Variants in DOCK8 observed in about 807,000 individuals in gnomAD.
DOCK8 encodes dedicator of cytokinesis protein 8.
A neutral mutation model predicts 245.6 loss-of-function variants in DOCK8; 141 were observed. The ratio of observed to expected loss-of-function variants is 0.57; its 90% confidence interval spans 0.50 to 0.66. The LOEUF is 0.66. Among genes scored for constraint, DOCK8 ranks in the 30% least tolerant of loss-of-function variants. DOCK8 has a pLI of 0.00. For synonymous variants in DOCK8, 1,168 were observed against 970.2 expected, an observed-to-expected ratio of 1.20 and a Z score of -3.79; for missense variants, 2,965 against 2,603.4, an observed-to-expected ratio of 1.14 and a Z score of -3.02.
chr9:406,898 G>C, intron 27 of DOCK8, 32 bp from the exon 28 acceptor site: 1 of 1,613,896 alleles, frequency 6.2e-7, no homozygotes, highest in Admixed American at 1.7e-5. Flanking sequence ...CAGTTCTTGT[G>C]GCTCATAAAA....
chr9:295,068 G>T (rs2049199338), intron 4 of DOCK8, among the ~76,000 whole-genome samples: 1 of 152,114 alleles, frequency 6.6e-6, no homozygotes, highest in Non-Finnish European at 1.5e-5. Context: ...GCTGAGGCAG[G>T]AGAATCGCTT....
chr9:275,998 C>T (rs1415705543), intron 2 of DOCK8, among the ~76,000 whole-genome samples: 1 of 152,030 alleles, frequency 6.6e-6, no homozygotes, highest in African/African-American at 2.4e-5. Flanking sequence ...TCAAGTGATT[C>T]TCCTGACTTA....
At chr9:270,196 CT>C (rs2048126499) in intron 1 of DOCK8, among the ~76,000 whole-genome samples, 1 of 152,162 alleles carries the variant, frequency 6.6e-6, no homozygotes, top group South Asian at 2.1e-4. Context: ...AAAGAAAACG[CT>C]GTAGAAAATT....
intron 2 of DOCK8, chr9:277,010 T>C (rs1261665475): frequency 6.0e-6 from 2 of 331,748 alleles, no homozygotes; most frequent in Non-Finnish European, 6.4e-6. Flanking sequence ...AGTTTCTCCA[T>C]GTTGTCCAGG....
intron 43 of DOCK8, among the ~76,000 whole-genome samples, chr9:444,017 G>T (rs1470818918): frequency 6.6e-6 from 1 of 152,042 alleles, no homozygotes; most frequent in South Asian, 2.1e-4. Flanking sequence ...CCTTCTTTAG[G>T]CTGCAAGTAT....
intron 5 of DOCK8, 91 bp from the exon 6 acceptor site, chr9:311,863 A>T: frequency 6.6e-7 from 1 of 1,515,006 alleles, no homozygotes; most frequent in Non-Finnish European, 9.1e-7. Flanking sequence ...TGTAGTCCCA[A>T]ATTGGAGCAG....
At chr9:351,815 C>G (rs1316288091) in intron 14 of DOCK8, among the ~76,000 whole-genome samples, 2 of 152,240 alleles carry the variant, frequency 1.3e-5, no homozygotes, top group East Asian at 1.9e-4. Context: ...AGACAGCTCT[C>G]TAGCAATAGC....
At chr9:232,911 A>T (rs1206670989) in intron 1 of DOCK8, among the ~76,000 whole-genome samples, 1 of 151,838 alleles carries the variant, frequency 6.6e-6, no homozygotes, top group South Asian at 2.1e-4. Flanking sequence ...TTCTGCTCTG[A>T]TCTTAGTTAT....
At chr9:463,910 G>T (rs571437034) in intron 47 of DOCK8, among the ~76,000 whole-genome samples, 37 of 152,312 alleles carry the variant, frequency 2.4e-4, no homozygotes, top group African/African-American at 8.4e-4. Context: ...TTGGTCTTGT[G>T]CCAGGGTATT....
intron 14 of DOCK8, among the ~76,000 whole-genome samples, chr9:351,866 GT>G (rs545988823): frequency 6.6e-6 from 1 of 152,194 alleles, no homozygotes; most frequent in African/African-American, 2.4e-5. Context: ...TGTATCCAGT[GT>G]TTGCAACTCC....
intron 26 of DOCK8, 82 bp downstream of exon 26, chr9:399,341 C>T (rs118083689): frequency 6.6e-5 from 67 of 1,018,172 alleles, no homozygotes; most frequent in Admixed American, 9.0e-5. Flanking sequence ...CCATGGCACG[C>T]TGTCTTCTTC....
chr9:390,759 G>A (rs975343834), intron 24 of DOCK8, among the ~76,000 whole-genome samples, 193 bp downstream of exon 24: 8 of 151,876 alleles, frequency 5.3e-5, no homozygotes, highest in Non-Finnish European at 4.4e-5. Flanking sequence ...ATCTATCGCC[G>A]TCCTGTGAGT....
At chr9:414,146 G>T (rs1402798393) in intron 28 of DOCK8, among the ~76,000 whole-genome samples, 1 of 137,918 alleles carries the variant, frequency 7.3e-6, no homozygotes, top group African/African-American at 2.7e-5. Context: ...AAAAAAAAAA[G>T]TTAAACAGAC....
chr9:426,777 A>C, intron 33 of DOCK8, 108 bp from the exon 34 acceptor site: 1 of 859,956 alleles, frequency 1.2e-6, no homozygotes, highest in South Asian at 1.4e-5. Flanking sequence ...TTTCATTTCA[A>C]GGTTGACTAT....
intron 46 of DOCK8, among the ~76,000 whole-genome samples, chr9:461,376 T>C (rs535838417): frequency 6.7e-4 from 102 of 152,262 alleles, no homozygotes; most frequent in South Asian, 6.2e-3. Flanking sequence ...TATATCTCTA[T>C]GTTTCTTAAC....
chr9:440,765 G>A lies in DOCK8; in HGVS notation c.5224-521G>A, dbSNP rs143711521. On this transcript the variant is annotated intron_variant, in intron 40 of 47. Transcript: ENST00000432829. ...TTTTTGTTTTTGTTTTTGAGGCAGCGTCTTGCCTTGTCACCCAGGCTGGAG... is the reference window on the plus strand; with the variant it reads ...TTTTTGTTTTTGTTTTTGAGGCAGCATCTTGCCTTGTCACCCAGGCTGGAG... Among the ~76,000 whole-genome samples the A allele has an allele frequency of 4.5e-3, 681 of 152,226 alleles. 8 individuals carry two copies. Among genetic ancestry groups the A allele is most frequent in the Non-Finnish European group, 4.7e-3 (320 of 68,028 alleles).
intron 47 of DOCK8, 64 bp downstream of exon 47, chr9:463,751 C>T (rs1197924356): frequency 9.4e-6 from 15 of 1,589,956 alleles, no homozygotes; most frequent in Non-Finnish European, 1.3e-5. Context: ...GGCCTAGCAC[C>T]TTGGGGCATG....
intron 24 of DOCK8, among the ~76,000 whole-genome samples, chr9:396,453 T>C (rs952837451): frequency 3.3e-5 from 5 of 152,328 alleles, no homozygotes; most frequent in Non-Finnish European, 7.4e-5. Flanking sequence ...ACCTAGCTGG[T>C]TACAGGAGCC....
At chr9:377,445 T>C (rs2053566094) in intron 20 of DOCK8, among the ~76,000 whole-genome samples, 1 of 152,220 alleles carries the variant, frequency 6.6e-6, no homozygotes, top group South Asian at 2.1e-4. Flanking sequence ...TTGTAAACTT[T>C]ATTAAATGAT....
Sources: allele counts gnomAD v4.1 joint callset (sites outside exome capture counted in the v4.1 genomes callset), GRCh38; gene constraint gnomAD v4.1.1; transcripts MANE v1.5; gene names NCBI Gene and HGNC (gene_info 2026-07-23, HGNC 2026-07-21).